MAP3K11: variants seen among roughly 807,000 people sequenced by gnomAD.
MAP3K11 encodes the protein SH3 domain-containing proline-rich kinase.
A neutral mutation model predicts 84.9 loss-of-function variants in MAP3K11; 46 were observed. The ratio of observed to expected loss-of-function variants is 0.54; its 90% confidence interval spans 0.43 to 0.69. The LOEUF (loss-of-function observed/expected upper bound fraction) is 0.69. MAP3K11 is among the 30% of genes least tolerant of loss of function. The probability of loss-of-function intolerance (pLI) is 0.00; values close to 1 mark genes in which losing one functional copy is unlikely to be tolerated. For synonymous variants in MAP3K11, 527 were observed against 514.7 expected (o/e 1.02, Z -0.32); for missense variants, 1,053 against 1,198.3 (o/e 0.88, Z 1.79).
Position 65,599,659 on chromosome 11 carries a change from G to C in MAP3K11, c.1941C>G (p.Arg647=). 2 of 1,548,316 alleles carry C rather than the reference G, an allele frequency of 1.3e-6. No homozygotes were observed. Among genetic ancestry groups the C allele is most frequent in the Non-Finnish European group, 8.7e-7 (1 of 1,151,652 alleles). The part of the protein sequence containing the change: ...TPKLIQRALL[R]GTALLASLGL... ...CCAGCGAGGCGAGCAGGGCGGTGCC[G>C]CGCAGCAGCGCCCGCTGGATCAGCT... Residue 647 remains arginine (R), a synonymous_variant, in exon 9 of 10, where the codon CGC becomes CGG. Transcript: ENST00000309100.
intron 1 of MAP3K11, 103 bp downstream of exon 1, chr11:65,612,915 G>A: frequency 7.3e-7 from 1 of 1,362,882 alleles, no homozygotes; most frequent in Non-Finnish European, 9.6e-7. Flanking sequence ...CCCTAGGGTG[G>A]GAGCTCCTAC....
rs146308898 is a variant in MAP3K11, at chr11:65,610,026, T to C, written c.740-1578A>G. The stretch of plus-strand genomic sequence containing the variant: ...CCTCCACCTTCAGCCATTTCGGCGC[T>C]GGTGCTTCTCAGAGCATGACCTCTC... On this transcript the variant is annotated intron_variant, in intron 1 of 9. Coordinates refer to ENST00000309100, the MANE Select transcript of MAP3K11 (RefSeq NM_002419.4). 7.1e-3 allele frequency: 1,089 copies of C among 152,726 alleles called. 6 individuals carry two copies. Among genetic ancestry groups the C allele is most frequent in the Non-Finnish European group, 9.9e-3 (675 of 68,206 alleles). The allele number at this position is 152,726 out of a possible 1,614,324, so 9.5% of individuals were successfully genotyped here. A position where few individuals can be genotyped will look rare whatever the true frequency, so the allele number is the denominator to read the frequency against.
chr11:65,601,905 A>G (rs1431522089), intron 8 of MAP3K11, among the ~76,000 whole-genome samples: 1 of 151,504 alleles, frequency 6.6e-6, no homozygotes, highest in Non-Finnish European at 1.5e-5. Flanking sequence ...AATCATGTTT[A>G]AAAAAAAGAA....
chr11:65,600,971 C>A (rs1165792025), intron 8 of MAP3K11, among the ~76,000 whole-genome samples: 2 of 152,242 alleles, frequency 1.3e-5, no homozygotes, highest in Non-Finnish European at 2.9e-5. Flanking sequence ...CCAACTCCCA[C>A]CCCGGCCACT....
At chr11:65,609,323 G>A (rs1854546419) in intron 1 of MAP3K11, 1 of 152,240 alleles carries the variant, frequency 6.6e-6, no homozygotes, top group South Asian at 2.1e-4. Context: ...CACTCCCAAA[G>A]CAAAGACTCC....
chr11:65,607,454 C>A lies in MAP3K11; in HGVS notation c.1305G>T (p.Ala435=). The change falls in exon 5 of 10, where the codon GCG becomes GCT. Residue 435 remains alanine, a synonymous_variant. Transcript: ENST00000309100. ...TRAAREQRSQ[A]EQLRRREHLL... Reference sequence around the variant, plus strand: ...GGTGCTCGCGCCGCCGCAGCTGCTCCGCCTGTGACCGCTGCTCGCGCGCCG... The same window carrying A: ...GGTGCTCGCGCCGCCGCAGCTGCTCAGCCTGTGACCGCTGCTCGCGCGCCG... 1 of 1,542,002 alleles carries A rather than the reference C, an allele frequency of 6.5e-7. No homozygotes were observed. Among genetic ancestry groups the A allele is most frequent in the East Asian group, 2.3e-5 (1 of 43,438 alleles).
At chr11:65,609,515 A>G (rs1357736115) in intron 1 of MAP3K11, 2 of 152,278 alleles carry the variant, frequency 1.3e-5, no homozygotes, top group Non-Finnish European at 2.9e-5. Context: ...GAGAAGCAGC[A>G]ACTTGCATAT....
chr11:65,607,893 TA>T, intron 3 of MAP3K11, 28 bp downstream of exon 3: 1 of 1,610,870 alleles, frequency 6.2e-7, no homozygotes, highest in Non-Finnish European at 8.5e-7. Flanking sequence ...GGGAGCTCTG[TA>T]CCTCACCTGC....
chr11:65,612,408 T>C (rs1202740271), intron 1 of MAP3K11: 3 of 152,258 alleles, frequency 2.0e-5, no homozygotes, highest in African/African-American at 7.2e-5. Context: ...GGACCCGCTG[T>C]GGGTTGGGGA....
chr11:65,606,120 TCTCC>T, intron 6 of MAP3K11, 39 bp from the exon 7 acceptor site: 10 of 1,537,214 alleles, frequency 6.5e-6, no homozygotes, highest in Non-Finnish European at 8.7e-6. Flanking sequence ...TAATCTTTAT[TCTCC>T]CTCCATCATC....
At chr11:65,602,533 C>T (rs533168444) in intron 8 of MAP3K11, among the ~76,000 whole-genome samples, 3 of 152,132 alleles carry the variant, frequency 2.0e-5, no homozygotes, top group Admixed American at 1.3e-4. Context: ...GTAATCCCTG[C>T]TACTTGGGAG....
rs144950486 is a variant in MAP3K11, at chr11:65,613,049, G to C, written c.708C>G (p.Pro236=). The part of the protein sequence containing the change: ...MHYLHCEALV[P]VIHRDLKSNN... ...TGGACTTGAGATCACGGTGGATGACGGGCACCAGGGCCTCGCAGTGCAGGT... is the reference window on the plus strand; with the variant it reads ...TGGACTTGAGATCACGGTGGATGACCGGCACCAGGGCCTCGCAGTGCAGGT... Residue 236 remains proline (P), a synonymous_variant, in exon 1 of 10, where the codon CCC becomes CCG. Coordinates refer to ENST00000309100, the MANE Select transcript of MAP3K11 (RefSeq NM_002419.4). 12 of 1,519,352 alleles carry C rather than the reference G, an allele frequency of 7.9e-6. No individual in the cohort carries two copies. 94.1% of individuals were successfully genotyped at this position (1,519,352 alleles called of 1,614,324 possible). A position where few individuals can be genotyped will look rare whatever the true frequency, so the allele number is the denominator to read the frequency against.
rs1425674267 is a variant in MAP3K11, at chr11:65,597,915, C to T, written c.*376G>A. 1 of 192,588 alleles carries T rather than the reference C, an allele frequency of 5.2e-6. No homozygotes were observed. Among genetic ancestry groups the T allele is most frequent in the Admixed American group, 6.1e-5 (1 of 16,336 alleles). 11.9% of individuals were successfully genotyped at this position (192,588 alleles called of 1,614,324 possible). A position where few individuals can be genotyped will look rare whatever the true frequency, so the allele number is the denominator to read the frequency against. On this transcript the variant is annotated 3_prime_UTR_variant, in exon 10 of 10. Coordinates refer to ENST00000309100, the MANE Select transcript of MAP3K11 (RefSeq NM_002419.4). ...CATGCTCTAAGCCCTAGGGCAGGGG[C>T]CGCAGTAGCAGGACTTGGTCAAAAG...
rs755874482 is a variant in MAP3K11 at position 65,598,286 on chromosome 11, C to T, written c.*5G>A. On this transcript the variant is annotated 3_prime_UTR_variant, in exon 10 of 10. Transcript: ENST00000309100. ...GCTGGAGCTCGGGGGAGTGGCCTGG[C>T]CCACTCAAGGCCCCGCTTCCGGCAC... 6.1e-6 allele frequency: 9 copies of T among 1,465,322 alleles called. No individual in the cohort carries two copies. Among genetic ancestry groups the T allele is most frequent in the African/African-American group, 1.4e-5 (1 of 70,388 alleles). The allele number at this position is 1,465,322 out of a possible 1,614,324, so 90.8% of individuals were successfully genotyped here.
At position 65,613,946 on chromosome 11, in the gene MAP3K11, G is replaced by C; in HGVS notation, c.-190C>G. 1 of 725,338 alleles carries C rather than the reference G, an allele frequency of 1.4e-6. No homozygotes were observed. Among genetic ancestry groups the C allele is most frequent in the African/African-American group, 1.8e-5 (1 of 56,144 alleles). The allele number at this position is 725,338 out of a possible 1,614,324, so 44.9% of individuals were successfully genotyped here. A position where few individuals can be genotyped will look rare whatever the true frequency, so the allele number is the denominator to read the frequency against. ...CCCCCCGCATCTCGGGCTTCTGGAG[G>C]AGGGCACCCAGGGCAGTGTGGTCAG... On this transcript the variant is annotated 5_prime_UTR_variant, in exon 1 of 10. Transcript: ENST00000309100.
chr11:65,613,576 C>G lies in MAP3K11; in HGVS notation c.181G>C (p.Ala61Pro). 6.2e-7 allele frequency: 1 copy of G among 1,612,900 alleles called. No homozygotes were observed. Among genetic ancestry groups the G allele is most frequent in the Non-Finnish European group, 8.5e-7 (1 of 1,179,816 alleles). Residue 61 changes from alanine (A) to proline (P), a missense_variant, in exon 1 of 10, where the codon GCC becomes CCC. Physicochemically the swap from Ala to Pro is conservative, Grantham distance 27. Coordinates refer to ENST00000309100, the MANE Select transcript of MAP3K11 (RefSeq NM_002419.4). ...DYEPSGQDEL[A>P]LRKGDRVEVL... Reference sequence around the variant, plus strand: ...TCCACACGGTCACCCTTCCTCAGGGCCAGCTCATCCTGCCCACTGGGCTCG... The same window carrying G: ...TCCACACGGTCACCCTTCCTCAGGGGCAGCTCATCCTGCCCACTGGGCTCG...
Position 65,598,216 on chromosome 11 carries a change from G to A in MAP3K11, c.*75C>T. On this transcript the variant is annotated 3_prime_UTR_variant, in exon 10 of 10. Transcript: ENST00000309100. ...GGAAACTGAGGCAGCTGCAGAGGCT[G>A]ACCCAGCTCCTGTTCCAGTGTATGC... 4.8e-6 allele frequency: 6 copies of A among 1,256,542 alleles called. No individual in the cohort carries two copies. The highest frequency in any genetic ancestry group is 6.2e-6 in the Non-Finnish European group (6 of 970,878). 77.8% of individuals were successfully genotyped at this position (1,256,542 alleles called of 1,614,324 possible). A position where few individuals can be genotyped will look rare whatever the true frequency, so the allele number is the denominator to read the frequency against.
chr11:65,598,114 G>A lies in MAP3K11; in HGVS notation c.*177C>T, dbSNP rs1282820518. The A allele has an allele frequency of 2.7e-5, 12 of 440,910 alleles. No individual in the cohort carries two copies. The highest frequency in any genetic ancestry group is 3.1e-5 in the Non-Finnish European group (8 of 258,560). 27.3% of individuals were successfully genotyped at this position (440,910 alleles called of 1,614,324 possible). ...ACCTACAGGTTTCAGATGTGGGGGCGCAGGTCCCCCTTCCAGTGTGAAGGC... is the reference window on the plus strand; with the variant it reads ...ACCTACAGGTTTCAGATGTGGGGGCACAGGTCCCCCTTCCAGTGTGAAGGC... On this transcript the variant is annotated 3_prime_UTR_variant, in exon 10 of 10. Coordinates refer to ENST00000309100, the MANE Select transcript of MAP3K11 (RefSeq NM_002419.4).
Position 65,613,013 on chromosome 11 carries a change from C to A in MAP3K11, c.739+5G>T, listed in dbSNP as rs201233315. On this transcript the variant is annotated splice_donor_5th_base_variant and intron_variant, in intron 1 of 9. Coordinates refer to ENST00000309100, the MANE Select transcript of MAP3K11 (RefSeq NM_002419.4). ...CCACCCCCAACCATGCCCCCAGAAACTCACTGTTGTTGGACTTGAGATCAC... is the reference window on the plus strand; with the variant it reads ...CCACCCCCAACCATGCCCCCAGAAAATCACTGTTGTTGGACTTGAGATCAC... 10 of 1,520,624 alleles carry A rather than the reference C, an allele frequency of 6.6e-6. No individual in the cohort carries two copies. In the Admixed American group the frequency reaches 1.8e-4, roughly 27 times the overall value. 94.2% of individuals were successfully genotyped at this position (1,520,624 alleles called of 1,614,324 possible). A position where few individuals can be genotyped will look rare whatever the true frequency, so the allele number is the denominator to read the frequency against.
Sources: gnomAD v4.1 joint callset for allele counts (sites outside exome capture counted in the v4.1 genomes callset) on GRCh38, gnomAD v4.1.1 for gene constraint, MANE v1.5 for transcripts, NCBI Gene and HGNC (gene_info 2026-07-23, HGNC 2026-07-21) for gene names.